The following TACR3 variants were observed in gnomAD, a reference collection of about 807,000 sequenced individuals.
TACR3 encodes tachykinin receptor 3.
A neutral mutation model predicts 35.0 loss-of-function variants in TACR3; 34 were observed. The observed-to-expected ratio is 0.97, with a 90% CI of 0.74 to 1.30. The LOEUF (loss-of-function observed/expected upper bound fraction) is 1.30. Ranked by LOEUF, TACR3 falls within the 50% of genes most tolerant of loss-of-function variation. TACR3 has a pLI of 0.00. For missense variants in TACR3, 558 were observed against 591.7 expected (o/e 0.94, Z 0.59); for synonymous variants, 233 against 221.1 (o/e 1.05, Z -0.48).
chr4:103,629,043 T>G (rs905975510), intron 3 of TACR3, among the ~76,000 whole-genome samples: 1 of 152,132 alleles, frequency 6.6e-6, no homozygotes, highest in African/African-American at 2.4e-5. Flanking sequence ...AAAAACCACA[T>G]GATTATCTCA....
chr4:103,664,950 C>T (rs1030736030), intron 1 of TACR3, among the ~76,000 whole-genome samples: 5 of 150,332 alleles, frequency 3.3e-5, no homozygotes, highest in African/African-American at 1.2e-4. Flanking sequence ...GCTGAGACTA[C>T]AGGTGCATGC....
Position 103,627,518 on chromosome 4 carries a change from G to A in TACR3, c.888+28676C>T, listed in dbSNP as rs181405194. On this transcript the variant is annotated intron_variant, in intron 3 of 4. Transcript: ENST00000304883. Reference sequence around the variant, plus strand: ...CAGCCTGGGCGATAGAGCAAGACTCGGTCAAAAAAATAAATAAATAAATAA... The same window carrying A: ...CAGCCTGGGCGATAGAGCAAGACTCAGTCAAAAAAATAAATAAATAAATAA... Among the ~76,000 whole-genome samples the A allele has an allele frequency of 1.5e-3, 224 of 151,356 alleles. 2 individuals carry two copies. Among genetic ancestry groups the A allele is most frequent in the East Asian group, 0.015 (75 of 5,144 alleles).
chr4:103,693,802 T>G (rs1329319417), intron 1 of TACR3, among the ~76,000 whole-genome samples: 1 of 152,050 alleles, frequency 6.6e-6, no homozygotes, highest in Non-Finnish European at 1.5e-5. Flanking sequence ...ACTCTTGTGT[T>G]TAGAGATTTT....
intron 1 of TACR3, among the ~76,000 whole-genome samples, chr4:103,704,126 AAAAAAAAAG>A (rs1722730711): frequency 1.3e-5 from 2 of 150,670 alleles, no homozygotes; most frequent in Admixed American, 6.6e-5. Context: ...AAAAAAAAAA[AAAAAAAAAG>A]AAAGAAAGAA....
intron 1 of TACR3, among the ~76,000 whole-genome samples, chr4:103,687,410 G>A (rs1255888488): frequency 1.3e-5 from 2 of 152,092 alleles, no homozygotes; most frequent in Admixed American, 6.6e-5. Context: ...AATTAGGCAG[G>A]AGAAGGAAAT....
chr4:103,615,396 TGTGAGA>T (rs768229330), intron 3 of TACR3, among the ~76,000 whole-genome samples: 25,713 of 121,244 alleles, frequency 0.21, 2,339 homozygotes, highest in East Asian at 0.25. Flanking sequence ...TGTGTGTGTG[TGTGAGA>T]GAGAGAGAGA....
At chr4:103,684,513 AT>A (rs1722185919) in intron 1 of TACR3, among the ~76,000 whole-genome samples, 1 of 152,202 alleles carries the variant, frequency 6.6e-6, no homozygotes, top group Non-Finnish European at 1.5e-5. Context: ...CAGAATCTAC[AT>A]GATGAAAACT....
intron 1 of TACR3, among the ~76,000 whole-genome samples, chr4:103,669,735 G>T (rs1361290926): frequency 6.6e-6 from 1 of 151,626 alleles, no homozygotes; most frequent in Non-Finnish European, 1.5e-5. Flanking sequence ...ATATATTCTG[G>T]TTCCTAATTT....
chr4:103,643,428 AAAGAG>A (rs1453626155), intron 3 of TACR3, among the ~76,000 whole-genome samples: 3 of 122,320 alleles, frequency 2.5e-5, no homozygotes, highest in East Asian at 4.3e-4. Flanking sequence ...TGTCTAAAAA[AAAGAG>A]AGAGAGAGAG....
At chr4:103,712,543 C>T (rs796370852) in intron 1 of TACR3, among the ~76,000 whole-genome samples, 1 of 152,164 alleles carries the variant, frequency 6.6e-6, no homozygotes, top group Admixed American at 6.5e-5. Flanking sequence ...CTAGGCAATA[C>T]CATTCAGGTC....
chr4:103,608,746 C>G (rs1011517630), intron 3 of TACR3, among the ~76,000 whole-genome samples: 1 of 152,034 alleles, frequency 6.6e-6, no homozygotes, highest in African/African-American at 2.4e-5. Context: ...CAAATGGATT[C>G]TGCAAACTTT....
chr4:103,598,637 G>A (rs1305773421), intron 3 of TACR3, among the ~76,000 whole-genome samples: 1 of 152,130 alleles, frequency 6.6e-6, no homozygotes, highest in East Asian at 1.9e-4. Flanking sequence ...TATATAAGGT[G>A]TAAGGAAGGG....
chr4:103,628,291 A>C (rs993140944), intron 3 of TACR3, among the ~76,000 whole-genome samples: 2 of 152,198 alleles, frequency 1.3e-5, no homozygotes, highest in African/African-American at 4.8e-5. Flanking sequence ...GAAATCACTA[A>C]GATCAGAGCA....
chr4:103,645,141 C>T (rs938762555), intron 3 of TACR3, among the ~76,000 whole-genome samples: 3 of 151,862 alleles, frequency 2.0e-5, no homozygotes, highest in African/African-American at 7.3e-5. Flanking sequence ...ACATTTACTA[C>T]TGCTGATACT....
rs78338472 is a variant in TACR3 at position 103,613,258 on chromosome 4, T to A, written c.889-21575A>T. On this transcript the variant is annotated intron_variant, in intron 3 of 4. Transcript: ENST00000304883. The stretch of plus-strand genomic sequence containing the variant: ...GTGATAAGAATTCTAGTCCCAACCT[T>A]GCTAGTAAATATCTGTGTGATAAAG... Among the ~76,000 whole-genome samples the A allele has an allele frequency of 4.6e-4, 70 of 152,290 alleles. No individual in the cohort carries two copies. In the East Asian group the frequency reaches 0.011, roughly 23 times the overall value.
intron 3 of TACR3, among the ~76,000 whole-genome samples, chr4:103,631,936 A>G (rs1479963085): frequency 6.6e-6 from 1 of 152,158 alleles, no homozygotes; most frequent in Non-Finnish European, 1.5e-5. Context: ...TTTTTGATTT[A>G]TCTTGTTCTT....
In TACR3 at chr4:103,608,667, A is replaced by G. The variant is rs564998120; in HGVS notation, c.889-16984T>C. 4.4e-3 allele frequency among the ~76,000 whole-genome samples: 671 copies of G among 152,274 alleles called. 2 individuals are homozygous for G. Among genetic ancestry groups the G allele is most frequent in the Non-Finnish European group, 7.9e-3 (538 of 67,990 alleles). On this transcript the variant is annotated intron_variant, in intron 3 of 4. Transcript: ENST00000304883. ...ATTAAACATACTGAAAGGTGTTTGA[A>G]TGCTATTGGAATAAGCCTATAGGTC...
chr4:103,627,455 C>T lies in TACR3; in HGVS notation c.888+28739G>A, dbSNP rs974127042. On this transcript the variant is annotated intron_variant, in intron 3 of 4. Transcript: ENST00000304883. ...ATGAGAATCACTTGAACCTGGGCGG[C>T]AGAGGTAGCAGTGAGCCAAGACTGC... Among the ~76,000 whole-genome samples the T allele has an allele frequency of 2.0e-5, 3 of 151,296 alleles. No individual in the cohort carries two copies. In the South Asian group the frequency reaches 6.3e-4, roughly 32 times the overall value.
rs1209198561 is a variant in TACR3 at position 103,587,463 on chromosome 4, A to G, written c.*2219T>C. The G allele has an allele frequency of 1.3e-5, 2 of 152,128 alleles. No individual in the cohort carries two copies. The highest frequency in any genetic ancestry group is 2.9e-5 in the Non-Finnish European group (2 of 67,998). 9.4% of individuals were successfully genotyped at this position (152,128 alleles called of 1,614,324 possible). On this transcript the variant is annotated 3_prime_UTR_variant, in exon 5 of 5. Coordinates refer to ENST00000304883, the MANE Select transcript of TACR3 (RefSeq NM_001059.3). Reference sequence around the variant, plus strand: ...ATGTATGTTCACAGAAGCCAAAGCAAACCAACAATCCAACTGACGAGGCCA... The same window carrying G: ...ATGTATGTTCACAGAAGCCAAAGCAGACCAACAATCCAACTGACGAGGCCA...
Sources: allele counts gnomAD v4.1 joint callset (sites outside exome capture counted in the v4.1 genomes callset), GRCh38; gene constraint gnomAD v4.1.1; transcripts MANE v1.5; gene names NCBI Gene and HGNC (gene_info 2026-07-23, HGNC 2026-07-21).